The following GALNT1 variants were observed in gnomAD, a reference collection of about 807,000 sequenced individuals.
The protein encoded by GALNT1 is polypeptide N-acetylgalactosaminyltransferase 1.
Under a neutral mutation model 65.7 loss-of-function variants are expected in GALNT1, and 17 were observed. The observed-to-expected ratio is 0.26, with a 90% confidence interval of 0.18 to 0.39. GALNT1 has a LOEUF of 0.39. Ranked by LOEUF, GALNT1 falls within the 10% of genes least tolerant of loss-of-function variation. The pLI, the probability that GALNT1 is intolerant of heterozygous loss-of-function variation, is 1.00. For synonymous variants in GALNT1, 210 were observed against 219.7 expected, an observed-to-expected ratio of 0.96 and a Z score of 0.39; for missense variants, 460 against 672.8, an observed-to-expected ratio of 0.68 and a Z score of 3.50.
intron 1 of GALNT1, among the ~76,000 whole-genome samples, chr18:35,605,546 A>G (rs2046636421): frequency 6.6e-6 from 1 of 151,448 alleles, no homozygotes; most frequent in Non-Finnish European, 1.5e-5. Context: ...TAAAACGAGC[A>G]GTATTTTTAT....
Position 35,687,060 on chromosome 18 carries a change from CT to C in GALNT1, c.738del (p.Phe246LeufsTer9). On this transcript the variant is annotated frameshift_variant, in exon 6 of 12. Transcript: ENST00000269195. LOFTEE classifies it high-confidence loss of function. ...CPIIDVISDD[T>X]FEYMAGSDMT... Reference sequence around the variant, plus strand: ...ATCATCGATGTGATCAGTGATGATACTTTTGAGTACATGGCAGGCTCTGATA... The same window carrying C: ...ATCATCGATGTGATCAGTGATGATACTTTGAGTACATGGCAGGCTCTGATA... The C allele has an allele frequency of 1.2e-6, 2 of 1,613,824 alleles. No homozygotes were observed. Among genetic ancestry groups the C allele is most frequent in the Non-Finnish European group, 1.7e-6 (2 of 1,179,834 alleles).
At chr18:35,581,284 GCCC>G, upstream of GALNT1, 1 of 151,556 alleles carries the variant, frequency 6.6e-6, no homozygotes, top group East Asian at 1.9e-4. Context: ...TCTCGGCCTG[GCCC>G]GGCCCTGCCC....
At chr18:35,699,641 T>G (rs1159842054) in intron 9 of GALNT1, among the ~76,000 whole-genome samples, 2 of 152,198 alleles carry the variant, frequency 1.3e-5, no homozygotes, top group Non-Finnish European at 2.9e-5. Context: ...AAAATACCCC[T>G]TATCAGAAGG....
chr18:35,642,411 T>G (rs1568022107), intron 1 of GALNT1, among the ~76,000 whole-genome samples: 1 of 152,134 alleles, frequency 6.6e-6, no homozygotes. Flanking sequence ...AAATAAGGCA[T>G]TGTTAAAGAT....
At chr18:35,587,831 C>A (rs1043670617) in intron 1 of GALNT1, among the ~76,000 whole-genome samples, 2 of 152,190 alleles carry the variant, frequency 1.3e-5, no homozygotes, top group African/African-American at 4.8e-5. Flanking sequence ...CTGTGTTCCA[C>A]ACCTTTGTTT....
intron 5 of GALNT1, 129 bp downstream of exon 5, chr18:35,683,727 G>A (rs552260852): frequency 2.0e-4 from 141 of 721,704 alleles, no homozygotes; most frequent in Middle Eastern, 1.6e-3. Context: ...TAAAATATCC[G>A]TGAAGAGGAC....
chr18:35,677,768 A>T lies in GALNT1; in HGVS notation c.481+11A>T. 6.3e-7 allele frequency: 1 copy of T among 1,584,556 alleles called. No homozygotes were observed. Among genetic ancestry groups the T allele is most frequent in the Non-Finnish European group, 8.6e-7 (1 of 1,161,200 alleles). On this transcript the variant is annotated intron_variant, in intron 4 of 11. Coordinates refer to ENST00000269195, the MANE Select transcript of GALNT1 (RefSeq NM_020474.4). The stretch of plus-strand genomic sequence containing the variant: ...ATGCCAGTGAAAGAGGTAAATTTTA[A>T]ATTTTAATGCCAATAATTTGCTACA...
At chr18:35,658,574 C>T (rs2144418605) in intron 2 of GALNT1, among the ~76,000 whole-genome samples, 1 of 152,210 alleles carries the variant, frequency 6.6e-6, no homozygotes, top group Non-Finnish European at 1.5e-5. Context: ...TAAGGTTCTG[C>T]TAGTGACAAA....
chr18:35,646,576 A>G (rs2144334532), intron 1 of GALNT1, among the ~76,000 whole-genome samples: 1 of 152,340 alleles, frequency 6.6e-6, no homozygotes, highest in Admixed American at 6.5e-5. Context: ...CTGACATGGC[A>G]CTGGCCTTCC....
At chr18:35,695,255 A>AAGTAGAGGGTGTTGGGTGGG (rs2048036264) in intron 9 of GALNT1, among the ~76,000 whole-genome samples, 1 of 151,022 alleles carries the variant, frequency 6.6e-6, no homozygotes, top group Non-Finnish European at 1.5e-5. Context: ...ATCTGTACAC[A>AAGTAGAGGGTGTTGGGTGGG]AGTAGAGGGT....
chr18:35,704,737 T>C (rs2048227462), intron 11 of GALNT1, among the ~76,000 whole-genome samples: 1 of 151,880 alleles, frequency 6.6e-6, no homozygotes, highest in African/African-American at 2.4e-5. Flanking sequence ...TCCACCTCCC[T>C]GGTTCAAGCT....
At chr18:35,598,662 G>A (rs1454890011) in intron 1 of GALNT1, among the ~76,000 whole-genome samples, 1 of 151,942 alleles carries the variant, frequency 6.6e-6, no homozygotes, top group African/African-American at 2.4e-5. Context: ...CCATTATTTT[G>A]GCTATTGTAA....
chr18:35,608,604 T>C (rs184962919), intron 1 of GALNT1, among the ~76,000 whole-genome samples: 1 of 152,318 alleles, frequency 6.6e-6, no homozygotes, highest in African/African-American at 2.4e-5. Flanking sequence ...CCTTAGTGTC[T>C]ATTATGTACT....
chr18:35,645,978 G>C lies in GALNT1; in HGVS notation c.-103-8582G>C, dbSNP rs113260009. On this transcript the variant is annotated intron_variant, in intron 1 of 11. Transcript: ENST00000269195. ...TCTTTGGGTCAGGAATGGAAGAGCA[G>C]TGTATTAGTTCATTTTTACACTGCT... Among the ~76,000 whole-genome samples, 972 of 152,298 alleles carry C rather than the reference G, an allele frequency of 6.4e-3. 19 individuals carry two copies. Among genetic ancestry groups the C allele is most frequent in the African/African-American group, 0.022 (922 of 41,558 alleles).
chr18:35,622,841 A>G (rs1431980956), intron 1 of GALNT1, among the ~76,000 whole-genome samples: 2 of 151,918 alleles, frequency 1.3e-5, no homozygotes, highest in Non-Finnish European at 1.5e-5. Flanking sequence ...TGTTTTTTTA[A>G]CTGTAGATTT....
chr18:35,581,025 C>G (rs78833365), upstream of GALNT1: 19,563 of 152,038 alleles, frequency 0.13, 1,803 homozygotes, highest in Non-Finnish European at 0.19. Context: ...CTCCCTCAGT[C>G]CCGGGCCTCC....
At chr18:35,676,804 T>C (rs2047717414) in intron 3 of GALNT1, among the ~76,000 whole-genome samples, 1 of 152,232 alleles carries the variant, frequency 6.6e-6, no homozygotes, top group Non-Finnish European at 1.5e-5. Flanking sequence ...GATAGGCTGT[T>C]ATCTAGTAAT....
chr18:35,707,507 G>GTTCT (rs1217812884), intron 11 of GALNT1, among the ~76,000 whole-genome samples: 1 of 152,194 alleles, frequency 6.6e-6, no homozygotes, highest in East Asian at 1.9e-4. Context: ...CTGGAACAGG[G>GTTCT]TTCTCCACCA....
intron 1 of GALNT1, among the ~76,000 whole-genome samples, chr18:35,637,082 G>A (rs142910666): frequency 1.1e-4 from 16 of 152,120 alleles, no homozygotes; most frequent in African/African-American, 2.9e-4. Flanking sequence ...CCGACCAGCC[G>A]TTTCCCTGTC....
Sources: gnomAD v4.1 joint callset for allele counts (sites outside exome capture counted in the v4.1 genomes callset) on GRCh38, gnomAD v4.1.1 for gene constraint, MANE v1.5 for transcripts, NCBI Gene and HGNC (gene_info 2026-07-23, HGNC 2026-07-21) for gene names.